Variants in AP1G2 observed in about 807,000 individuals in gnomAD.
The protein encoded by AP1G2 is AP-1 complex subunit gamma-like 2.
A neutral mutation model predicts 95.8 loss-of-function variants in AP1G2; 85 were observed. The ratio of observed to expected loss-of-function variants is 0.89; its 90% CI spans 0.74 to 1.06. The LOEUF (loss-of-function observed/expected upper bound fraction) is 1.06, where lower values mean the gene tolerates loss of function less well. AP1G2 is among the 50% of genes least tolerant of loss of function. The probability of loss-of-function intolerance (pLI) is 0.00; values close to 1 mark genes in which losing one functional copy is unlikely to be tolerated. For synonymous variants in AP1G2, 378 were observed against 400.0 expected (o/e 0.94, Z 0.66); for missense variants, 967 against 1,005.8 (o/e 0.96, Z 0.52).
rs774740931 is a variant in AP1G2, at chr14:23,560,295, C to T, written c.2117G>A (p.Gly706Asp). ...ITITATNFSE[G>D]DVTHFICQAA... ...CTGGCAGATGAAATGGGTGACATCA[C>T]CCTCTGAGAAGTTGGTGGCAGTGAT... Residue 706 changes from glycine to aspartate, a missense_variant, in exon 20 of 22, where the codon GGT becomes GAT. Transcript: ENST00000397120. 5.0e-6 allele frequency: 8 copies of T among 1,614,002 alleles called. No homozygotes were observed. The Admixed American group carries it at 5.0e-5, about 10-fold the overall frequency.
At chr14:23,562,259 T>C (rs1885248749) in intron 16 of AP1G2, 29 bp downstream of exon 16, 3 of 1,612,468 alleles carry the variant, frequency 1.9e-6, no homozygotes, top group Non-Finnish European at 8.5e-7. Context: ...TGACAGGCCA[T>C]CTCTCAAGGG....
intron 8 of AP1G2, 48 bp from the exon 9 acceptor site, chr14:23,564,708 T>G (rs1769095012): frequency 6.4e-7 from 1 of 1,567,746 alleles, no homozygotes; most frequent in Non-Finnish European, 8.8e-7. Context: ...CCTCCTCAGG[T>G]CTCCTTTTTT....
Position 23,567,533 on chromosome 14 carries a change from G to A in AP1G2, c.-6+206C>T. 5 of 1,351,900 alleles carry A rather than the reference G, an allele frequency of 3.7e-6. No homozygotes were observed. Among genetic ancestry groups the A allele is most frequent in the East Asian group, 3.1e-5 (1 of 32,306 alleles). The allele number at this position is 1,351,900 out of a possible 1,614,324, so 83.7% of individuals were successfully genotyped here. The stretch of plus-strand genomic sequence containing the variant: ...ACGCATGCGTCCGCACCCCACCGGC[G>A]CCCCTTCCTATTGAGCATGCGCGGG... On this transcript the variant is annotated intron_variant, in intron 1 of 21. Transcript: ENST00000397120. This position sits in a 1 kb window ranked among gnomAD's most constrained non-coding sequence, Gnocchi z 5.3.
chr14:23,564,290 GGGGATCAGT>G (rs1886645058), intron 10 of AP1G2, 34 bp downstream of exon 10: 2 of 1,613,786 alleles, frequency 1.2e-6, no homozygotes, highest in Non-Finnish European at 1.7e-6. Context: ...CAGAGGGCCA[GGGGATCAGT>G]GGCACAGCCT....
In AP1G2 at chr14:23,567,431, A is replaced by C; in HGVS notation, c.-5-112T>G. The C allele has an allele frequency of 7.0e-7, 1 of 1,425,402 alleles. No individual in the cohort carries two copies. Among genetic ancestry groups the C allele is most frequent in the Non-Finnish European group, 9.1e-7 (1 of 1,096,756 alleles). 88.3% of individuals were successfully genotyped at this position (1,425,402 alleles called of 1,614,324 possible). ...GAGCCCGGGTCCCACAGGTACCCTA[A>C]AATTGCGCCCGCATTTTACCTTTCC... On this transcript the variant is annotated intron_variant, in intron 1 of 21. Transcript: ENST00000397120. This position sits in a 1 kb window ranked among gnomAD's most constrained non-coding sequence, Gnocchi z 5.3.
rs916990842 is a variant in AP1G2, at chr14:23,563,785, G to A, written c.1163C>T (p.Ala388Val). The A allele has an allele frequency of 6.2e-7, 1 of 1,614,194 alleles. No homozygotes were observed. The highest frequency in any genetic ancestry group is 8.5e-7 in the Non-Finnish European group (1 of 1,180,022). The change falls in exon 12 of 22, where the codon GCC becomes GTC. Residue 388 changes from alanine (A) to valine (V), a missense_variant. Ala to Val is a moderately conservative substitution (Grantham distance 64, BLOSUM62 0). Transcript: ENST00000397120. ...NVRAMMQELQ[A>V]FLESCPPDLR... Reference sequence around the variant, plus strand: ...GTCAGGAGGGCAGGACTCCAGAAAGGCCTGCAGCTCTTGCATCATGGCTCG... The same window carrying A: ...GTCAGGAGGGCAGGACTCCAGAAAGACCTGCAGCTCTTGCATCATGGCTCG...
At chr14:23,563,095 C>G in intron 14 of AP1G2, 2 of 1,333,778 alleles carry the variant, frequency 1.5e-6, no homozygotes, top group Non-Finnish European at 1.9e-6. Context: ...ATAATAAAAC[C>G]TCATAAACAC....
intron 7 of AP1G2, 108 bp downstream of exon 7, chr14:23,565,498 G>A (rs1440545580): frequency 2.0e-6 from 2 of 1,011,654 alleles, no homozygotes; most frequent in Admixed American, 4.1e-5. Context: ...CTACTCTGCT[G>A]CCCAGGACAC....
chr14:23,563,717 T>G lies in AP1G2; in HGVS notation c.1231A>C (p.Arg411=). ...CASGILLAAE[R]FAPTKRWHID... is the part of the protein sequence containing the mutation. ...CTCTTCGACTCCTGGGCACCTCACC[T>G]CTCTGCAGCCAGCAGGATGCCTGAG... The change falls in exon 12 of 22, where the codon AGG becomes CGG. Residue 411 remains arginine (R), a splice_region_variant and synonymous_variant. Transcript: ENST00000397120. The G allele has an allele frequency of 2.5e-6, 4 of 1,614,042 alleles. No homozygotes were observed. The highest frequency in any genetic ancestry group is 3.4e-6 in the Non-Finnish European group (4 of 1,179,978).
intron 16 of AP1G2, 98 bp downstream of exon 16, chr14:23,562,190 G>C: frequency 6.3e-7 from 1 of 1,593,446 alleles, no homozygotes; most frequent in South Asian, 1.1e-5. Flanking sequence ...TAAGGGCTAG[G>C]GGGTAGGGAG....
intron 5 of AP1G2, 69 bp downstream of exon 5, chr14:23,565,995 T>C: frequency 1.2e-6 from 2 of 1,613,218 alleles, no homozygotes; most frequent in Non-Finnish European, 1.7e-6. Flanking sequence ...TGAGCTGGGG[T>C]TCCCATCCGA....
Position 23,564,680 on chromosome 14 carries a change from G to C in AP1G2, c.823-20C>G. 1 of 1,610,178 alleles carries C rather than the reference G, an allele frequency of 6.2e-7. No individual in the cohort carries two copies. Among genetic ancestry groups the C allele is most frequent in the South Asian group, 1.1e-5 (1 of 90,970 alleles). ...GGCCACCTGAGTGGATGAGAGAGGA[G>C]ATGTATCTGCTCAAGGCCCTCCTCA... On this transcript the variant is annotated intron_variant, in intron 8 of 21. Transcript: ENST00000397120.
At chr14:23,565,511 A>G in intron 7 of AP1G2, 95 bp downstream of exon 7, 1 of 1,124,094 alleles carries the variant, frequency 8.9e-7, no homozygotes, top group Non-Finnish European at 1.3e-6. Flanking sequence ...CAGGACACTG[A>G]GAGAACCAGT....
At position 23,565,828 on chromosome 14, in the gene AP1G2, C is replaced by A. The variant is rs762921889; in HGVS notation, c.633G>T (p.Arg211Ser). 2.5e-6 allele frequency: 4 copies of A among 1,579,986 alleles called. No homozygotes were observed. In the East Asian group the frequency reaches 9.0e-5, roughly 35 times the overall value. Residue 211 changes from arginine (R) to serine (S), a missense_variant, in exon 6 of 22, where the codon AGG becomes AGT. Arg to Ser is a moderately radical substitution (Grantham distance 110). Transcript: ENST00000397120. ...TTCACCAGCCCACCTTTCGGAAGTG[C>A]CTGAGGGCTGCAGGGCTTCGTTCGC... ...ELCERSPAAL[R>S]HFRKVVPQLV...
chr14:23,562,567 C>G lies in AP1G2; in HGVS notation c.1437G>C (p.Trp479Cys). Residue 479 changes from tryptophan (W) to cysteine (C), a missense_variant, in exon 15 of 22, where the codon TGG (tryptophan) becomes TGC (cysteine). Coordinates refer to ENST00000397120, the MANE Select transcript of AP1G2 (RefSeq NM_003917.5). The part of the protein sequence containing the change: ...SQQPLVQVAA[W>C]CIGEYGDLLL... ...GGAGGTCCCCATACTCCCCAATGCA[C>G]CAGGCTGCCACCTGCACCAGTGGTT... The G allele has an allele frequency of 6.2e-7, 1 of 1,614,124 alleles. No individual in the cohort carries two copies. Among genetic ancestry groups the G allele is most frequent in the Non-Finnish European group, 8.5e-7 (1 of 1,180,006 alleles).
intron 7 of AP1G2, 45 bp downstream of exon 7, chr14:23,565,561 A>G (rs375199436): frequency 1.5e-5 from 22 of 1,502,742 alleles, no homozygotes; most frequent in Non-Finnish European, 2.0e-5. Context: ...TCTTACTGCT[A>G]TGCCCTCTCT....
At chr14:23,562,443 C>T (rs1265862103) in intron 15 of AP1G2, 28 bp from the exon 16 acceptor site, 1 of 1,613,940 alleles carries the variant, frequency 6.2e-7, no homozygotes, top group Non-Finnish European at 8.5e-7. Context: ...GTTAGTGGCC[C>T]TGGTGCAAGT....
At chr14:23,560,593 TA>T (rs558052145) in intron 19 of AP1G2, 175 bp from the exon 20 acceptor site, 40 of 603,300 alleles carry the variant, frequency 6.6e-5, no homozygotes, top group East Asian at 7.5e-5. Flanking sequence ...AGAGAAACAA[TA>T]AAAAAAGGCC....
chr14:23,564,728 G>T, intron 8 of AP1G2, 68 bp from the exon 9 acceptor site: 3 of 1,417,192 alleles, frequency 2.1e-6, no homozygotes, highest in Admixed American at 1.8e-5. Flanking sequence ...TTGATACAGG[G>T]TCTCACTCTG....
Sources: allele counts gnomAD v4.1 joint callset, GRCh38; gene constraint gnomAD v4.1.1; non-coding constraint Gnocchi (gnomAD v3.1); transcripts MANE v1.5; gene names NCBI Gene and HGNC (gene_info 2026-07-23, HGNC 2026-07-21).